The following AGBL3 variants were observed in gnomAD, a reference collection of about 807,000 sequenced individuals.
The protein encoded by AGBL3 is cytosolic carboxypeptidase 3.
In AGBL3, 68 loss-of-function variants were observed where a neutral mutation model predicts 94.5. The ratio of observed to expected loss-of-function variants is 0.72; its 90% CI spans 0.59 to 0.88. The LOEUF (loss-of-function observed/expected upper bound fraction) is 0.88. AGBL3 is among the 40% of genes least tolerant of loss of function. The probability of loss-of-function intolerance (pLI) is 0.00; values close to 1 mark genes in which losing one functional copy is unlikely to be tolerated. For synonymous variants in AGBL3, 354 were observed against 370.7 expected (o/e 0.95, Z 0.52); for missense variants, 934 against 1,103.8 (o/e 0.85, Z 2.18).
chr7:134,993,668 C>T lies in AGBL3; in HGVS notation c.300C>T (p.Val100=). ...PYHCEVIDEK[V]QHIDWTPSCP... is the part of the protein sequence containing the mutation. ...ATTGTGAAGTCATCGATGAAAAAGT[C>T]CAGCATATTGGTATGTTTTTAGCAG... The change falls in exon 4 of 17, where the codon GTC becomes GTT. Residue 100 remains valine (V), a synonymous_variant. Coordinates refer to ENST00000436302, the MANE Select transcript of AGBL3 (RefSeq NM_178563.4). The T allele has an allele frequency of 1.3e-6, 2 of 1,549,758 alleles. No homozygotes were observed. Among genetic ancestry groups the T allele is most frequent in the African/African-American group, 2.7e-5 (2 of 73,070 alleles).
At chr7:135,131,809 C>T (rs1287640363) in intron 16 of AGBL3, among the ~76,000 whole-genome samples, 3 of 151,364 alleles carry the variant, frequency 2.0e-5, no homozygotes, top group African/African-American at 7.3e-5. Context: ...TTAATACTGA[C>T]AAATAAAGAA....
chr7:135,003,084 T>C (rs1004983694), intron 4 of AGBL3, among the ~76,000 whole-genome samples: 4 of 152,162 alleles, frequency 2.6e-5, no homozygotes. Context: ...AAATGATTTC[T>C]GGGGTTTTGA....
At chr7:135,040,658 A>G (rs1156315011) in intron 8 of AGBL3, among the ~76,000 whole-genome samples, 1 of 152,200 alleles carries the variant, frequency 6.6e-6, no homozygotes, top group Admixed American at 6.5e-5. Flanking sequence ...AAGAAACTCT[A>G]CAGCTAACAA....
intron 11 of AGBL3, among the ~76,000 whole-genome samples, chr7:135,056,480 C>T (rs920025016): frequency 6.6e-6 from 1 of 151,950 alleles, no homozygotes; most frequent in Non-Finnish European, 1.5e-5. Context: ...TTTGTTCACA[C>T]TGGACATGGT....
chr7:135,125,686 C>T (rs1336131790), intron 16 of AGBL3, among the ~76,000 whole-genome samples: 4 of 152,180 alleles, frequency 2.6e-5, no homozygotes, highest in Middle Eastern at 3.2e-3. Flanking sequence ...TATCAAAAAA[C>T]GTATCCACCA....
chr7:135,045,558 A>T lies in AGBL3; in HGVS notation c.1712A>T (p.Asp571Val). The change falls in exon 10 of 17, where the codon GAT becomes GTT. Residue 571 changes from aspartate to valine, a missense_variant. Physicochemically the swap from Asp to Val is radical, Grantham distance 152. Transcript: ENST00000436302. ...HFCDSLLDYC[D>V]PDRTKYYRCL... is the part of the protein sequence containing the mutation. The stretch of plus-strand genomic sequence containing the variant: ...TGTGATTCTCTCTTGGATTATTGTG[A>T]TCCCGACCGGACCAAGGTAAGCAAA... 2 of 1,551,092 alleles carry T rather than the reference A, an allele frequency of 1.3e-6. No homozygotes were observed. The highest frequency in any genetic ancestry group is 1.7e-6 in the Non-Finnish European group (2 of 1,146,562).
Sources: allele counts gnomAD v4.1 joint callset (sites outside exome capture counted in the v4.1 genomes callset), GRCh38; gene constraint gnomAD v4.1.1; transcripts MANE v1.5; gene names NCBI Gene and HGNC (gene_info 2026-07-23, HGNC 2026-07-21).